Variants in PTPRG observed in about 807,000 individuals in gnomAD.
The protein encoded by PTPRG is receptor-type tyrosine-protein phosphatase gamma.
PTPRG carries 102 observed loss-of-function variants against 165.3 expected under a neutral mutation model. The observed-to-expected ratio is 0.62, with a 90% CI of 0.53 to 0.73. The LOEUF is 0.73. Ranked by LOEUF, PTPRG falls within the 30% of genes least tolerant of loss-of-function variation. The probability of loss-of-function intolerance (pLI) is 0.00; values close to 1 mark genes in which losing one functional copy is unlikely to be tolerated. For synonymous variants in PTPRG, 675 were observed against 669.5 expected (o/e 1.01, Z -0.13); for missense variants, 1,866 against 1,861.4 (o/e 1.00, Z -0.05).
At chr3:62,090,753 G>A (rs1701901072) in intron 5 of PTPRG, among the ~76,000 whole-genome samples, 1 of 152,156 alleles carries the variant, frequency 6.6e-6, no homozygotes, top group Non-Finnish European at 1.5e-5. Flanking sequence ...CCCATTTCAT[G>A]CTCATAACAG....
At chr3:61,948,994 G>A (rs1234228640) in intron 2 of PTPRG, among the ~76,000 whole-genome samples, 1 of 144,494 alleles carries the variant, frequency 6.9e-6, no homozygotes, top group African/African-American at 2.6e-5. Context: ...TCAAACTGCT[G>A]ACACTCCAAG....
chr3:61,607,699 T>G (rs74864762), intron 1 of PTPRG, among the ~76,000 whole-genome samples: 1,745 of 152,236 alleles, frequency 0.011, 32 homozygotes, highest in African/African-American at 0.04. Context: ...GAGGGGGAAG[T>G]TGTAGCATTC....
chr3:62,197,871 G>A (rs1434736552), intron 10 of PTPRG, among the ~76,000 whole-genome samples: 1 of 152,230 alleles, frequency 6.6e-6, no homozygotes, highest in Admixed American at 6.5e-5. Context: ...AAAATGGCCA[G>A]TGTCTCCTTG....
intron 1 of PTPRG, among the ~76,000 whole-genome samples, chr3:61,573,472 A>G (rs989908693): frequency 2.0e-5 from 3 of 152,020 alleles, no homozygotes; most frequent in Non-Finnish European, 4.4e-5. Flanking sequence ...ACTTTGTACA[A>G]TAGAGTGGCT....
At chr3:61,986,942 A>G (rs569960437) in intron 2 of PTPRG, among the ~76,000 whole-genome samples, 12 of 152,104 alleles carry the variant, frequency 7.9e-5, no homozygotes, top group Non-Finnish European at 1.8e-4. Flanking sequence ...TTTACTTAAA[A>G]GTATTTATTC....
chr3:62,008,893 G>A (rs1186848907), intron 4 of PTPRG, among the ~76,000 whole-genome samples: 2 of 152,290 alleles, frequency 1.3e-5, no homozygotes, highest in East Asian at 1.9e-4. Context: ...CCTGCTGTGC[G>A]GCCCAGATCC....
intron 5 of PTPRG, among the ~76,000 whole-genome samples, chr3:62,112,646 G>T (rs756593338): frequency 1.3e-5 from 2 of 152,182 alleles, no homozygotes; most frequent in Non-Finnish European, 2.9e-5. Context: ...AGACCTTTAC[G>T]AGTCCTATCT....
intron 2 of PTPRG, among the ~76,000 whole-genome samples, chr3:61,954,941 C>T (rs1304127298): frequency 6.6e-6 from 1 of 152,134 alleles, no homozygotes; most frequent in Non-Finnish European, 1.5e-5. Context: ...ATGTCCTGAG[C>T]AAGATGGGAA....
intron 10 of PTPRG, among the ~76,000 whole-genome samples, chr3:62,198,413 C>G (rs547638776): frequency 6.6e-6 from 1 of 152,258 alleles, no homozygotes; most frequent in South Asian, 2.1e-4. Context: ...GTAAAAATTA[C>G]CAAATACCTG....
Position 62,158,829 on chromosome 3 carries a change from G to A in PTPRG, c.840+1605G>A, listed in dbSNP as rs569961205. Among the ~76,000 whole-genome samples, 17 of 151,998 alleles carry A rather than the reference G, an allele frequency of 1.1e-4. No individual in the cohort carries two copies. In the East Asian group the frequency reaches 2.9e-3, roughly 26 times the overall value. On this transcript the variant is annotated intron_variant, in intron 7 of 29. Transcript: ENST00000474889. ...CCCTGACAATAAAGAAAGGACTGGC[G>A]ATTTGGTTTCAGAACAGGATCTGCC...
chr3:61,911,103 C>T, intron 2 of PTPRG, among the ~76,000 whole-genome samples: 1 of 152,216 alleles, frequency 6.6e-6, no homozygotes, highest in East Asian at 1.9e-4. Flanking sequence ...GAAAGCCCCT[C>T]TTGACCTTCA....
intron 1 of PTPRG, among the ~76,000 whole-genome samples, chr3:61,633,722 A>G (rs1575552378): frequency 7.8e-6 from 1 of 129,030 alleles, no homozygotes; most frequent in African/African-American, 2.9e-5. Context: ...TCAGTGTAGA[A>G]GTGAGGTGGC....
chr3:61,735,641 G>A (rs2032691500), intron 1 of PTPRG, among the ~76,000 whole-genome samples: 1 of 152,030 alleles, frequency 6.6e-6, no homozygotes, highest in African/African-American at 2.4e-5. Flanking sequence ...TACAGACTTG[G>A]AGTGAGGAAG....
chr3:61,617,046 G>A (rs1701317253), intron 1 of PTPRG, among the ~76,000 whole-genome samples: 1 of 152,212 alleles, frequency 6.6e-6, no homozygotes, highest in Admixed American at 6.5e-5. Flanking sequence ...CCTGGTTTGT[G>A]TCCGAGGCTA....
intron 4 of PTPRG, among the ~76,000 whole-genome samples, chr3:62,013,093 T>G (rs964287238): frequency 6.6e-6 from 1 of 151,752 alleles, no homozygotes; most frequent in Admixed American, 6.6e-5. Flanking sequence ...TATTATACAA[T>G]AATACAACTT....
intron 5 of PTPRG, among the ~76,000 whole-genome samples, chr3:62,090,973 A>G (rs144800805): frequency 9.7e-4 from 148 of 152,366 alleles, no homozygotes; most frequent in African/African-American, 3.3e-3. Flanking sequence ...ATTTGCTGCG[A>G]ACTTCAAATG....
At chr3:61,581,610 T>C (rs1461401692) in intron 1 of PTPRG, among the ~76,000 whole-genome samples, 1 of 11,578 alleles carries the variant, frequency 8.6e-5, no homozygotes, top group Non-Finnish European at 1.4e-4. Flanking sequence ...TCTTTTTTTC[T>C]TTTTTTTTTT....
intron 5 of PTPRG, chr3:62,124,566 G>A: frequency 7.3e-7 from 1 of 1,368,050 alleles, no homozygotes; most frequent in Non-Finnish European, 1.0e-6. Context: ...TGGTCCAACA[G>A]GCTGTTTTTC....
intron 2 of PTPRG, among the ~76,000 whole-genome samples, chr3:61,932,430 T>C (rs150177897): frequency 6.6e-6 from 1 of 152,322 alleles, no homozygotes; most frequent in African/African-American, 2.4e-5. Context: ...TAGGAGACTA[T>C]GAATACTTAA....
Sources: gnomAD v4.1 joint callset for allele counts (sites outside exome capture counted in the v4.1 genomes callset) on GRCh38, gnomAD v4.1.1 for gene constraint, MANE v1.5 for transcripts, NCBI Gene and HGNC (gene_info 2026-07-23, HGNC 2026-07-21) for gene names.